Variants in SQLE observed in about 807,000 individuals in gnomAD.
SQLE encodes squalene monooxygenase.
SQLE carries 29 observed loss-of-function variants against 60.7 expected under a neutral mutation model. The observed-to-expected ratio is 0.48, with a 90% confidence interval of 0.36 to 0.65. The LOEUF (loss-of-function observed/expected upper bound fraction) is 0.65, where lower values mean the gene tolerates loss of function less well. SQLE is among the 30% of genes least tolerant of loss of function. SQLE has a pLI of 0.00. For synonymous variants in SQLE, 237 were observed against 246.8 expected, an observed-to-expected ratio of 0.96 and a Z score of 0.37; for missense variants, 605 against 684.1, an observed-to-expected ratio of 0.88 and a Z score of 1.29.
intron 4 of SQLE, among the ~76,000 whole-genome samples, chr8:125,008,244 C>T (rs575344622): frequency 7.2e-5 from 11 of 152,210 alleles, no homozygotes; most frequent in African/African-American, 2.2e-4. Flanking sequence ...CATGCTTCAC[C>T]GCATCCGGCT....
Position 125,016,898 on chromosome 8 carries a change from T to C in SQLE, c.1205-1161T>C, listed in dbSNP as rs1465934601. On this transcript the variant is annotated intron_variant, in intron 7 of 10. Transcript: ENST00000265896. This position sits in a 1 kb window ranked among gnomAD's most constrained non-coding sequence, Gnocchi z 4.1. Reference sequence around the variant, plus strand: ...GAGGTACCGCCTTGGTGGTCTTGGGTAATATCTGGGAGAATTCCCTGGATT... The same window carrying C: ...GAGGTACCGCCTTGGTGGTCTTGGGCAATATCTGGGAGAATTCCCTGGATT... Among the ~76,000 whole-genome samples, 1 of 152,180 alleles carries C rather than the reference T, an allele frequency of 6.6e-6. No homozygotes were observed. The highest frequency in any genetic ancestry group is 1.5e-5 in the Non-Finnish European group (1 of 68,028).
chr8:125,006,323 T>C (rs1337922253), intron 3 of SQLE, among the ~76,000 whole-genome samples: 2 of 152,098 alleles, frequency 1.3e-5, no homozygotes, highest in East Asian at 1.9e-4. Flanking sequence ...GTTCACTGTA[T>C]GAAAATGGAA....
intron 5 of SQLE, 43 bp downstream of exon 5, chr8:125,009,127 T>G: frequency 6.4e-7 from 1 of 1,568,232 alleles, no homozygotes; most frequent in East Asian, 2.3e-5. Flanking sequence ...AAAAGAAACT[T>G]GAAATTTGAA....
In SQLE at chr8:125,003,158, C is replaced by G. The variant is rs200947300; in HGVS notation, c.292-18C>G. The stretch of plus-strand genomic sequence containing the variant: ...TAACAAATTTGGATACCTAGTTTAC[C>G]TTTTTTTTTTTAAACAGCGCAGAAA... On this transcript the variant is annotated intron_variant, in intron 1 of 10. Transcript: ENST00000265896. 5.4e-3 allele frequency: 7,220 copies of G among 1,343,764 alleles called. 17 individuals are homozygous for G. Among genetic ancestry groups the G allele is most frequent in the Non-Finnish European group, 5.8e-3 (5,680 of 983,368 alleles). The allele number at this position is 1,343,764 out of a possible 1,614,324, so 83.2% of individuals were successfully genotyped here.
rs367853926 is a variant in SQLE, at chr8:124,999,479, A to G, written c.76A>G (p.Arg26Gly). 2.5e-6 allele frequency: 4 copies of G among 1,578,126 alleles called. No individual in the cohort carries two copies. Among genetic ancestry groups the G allele is most frequent in the East Asian group, 4.6e-5 (2 of 43,888 alleles). The change falls in exon 1 of 11, where the codon AGG becomes GGG. Residue 26 changes from arginine (R) to glycine (G), a missense_variant. Physicochemically the swap from Arg to Gly is moderately radical, Grantham distance 125. Coordinates refer to ENST00000265896, the MANE Select transcript of SQLE (RefSeq NM_003129.4). ...KFGDFITLANREVLLCVLVFL... is the reference protein window; with the variant it reads ...KFGDFITLANGEVLLCVLVFL... ...CGGGGACTTCATCACTTTGGCCAACAGGGAGGTCCTGTTGTGCGTGCTGGT... is the reference window on the plus strand; with the variant it reads ...CGGGGACTTCATCACTTTGGCCAACGGGGAGGTCCTGTTGTGCGTGCTGGT...
In SQLE at chr8:125,011,541, C is replaced by T. The variant is rs763127676; in HGVS notation, c.1113C>T (p.His371=). Residue 371 remains histidine (H), a synonymous_variant, in exon 7 of 11, where the codon CAC becomes CAT. Coordinates refer to ENST00000265896, the MANE Select transcript of SQLE (RefSeq NM_003129.4). ...VEKIYPQIPD[H]LKEPFLEATD... ...GGTTGGTGGGATTTATTGCAGATCA[C>T]CTGAAAGAACCATTCTTAGAAGCCA... 3.6e-5 allele frequency: 56 copies of T among 1,576,632 alleles called. No individual in the cohort carries two copies. Among genetic ancestry groups the T allele is most frequent in the Admixed American group, 9.2e-5 (5 of 54,430 alleles).
At chr8:125,015,781 AG>A (rs1396364315) in intron 7 of SQLE, among the ~76,000 whole-genome samples, 1 of 152,156 alleles carries the variant, frequency 6.6e-6, no homozygotes, top group Non-Finnish European at 1.5e-5. Context: ...CTTGTGGGAA[AG>A]TTTGGTGTTG....
At chr8:125,014,106 CAAT>C (rs34869443) in intron 7 of SQLE, among the ~76,000 whole-genome samples, 28,349 of 151,608 alleles carry the variant, frequency 0.19, 3,112 homozygotes, top group Middle Eastern at 0.35. Context: ...ATTATTCTGT[CAAT>C]GATGATAAAA....
At chr8:125,011,915 GATAA>G (rs1485319257) in intron 7 of SQLE, among the ~76,000 whole-genome samples, 1 of 141,734 alleles carries the variant, frequency 7.1e-6, no homozygotes, top group Non-Finnish European at 1.5e-5. Flanking sequence ...CAACACTGTT[GATAA>G]ATAAAACCCA....
At chr8:124,999,808 C>A in intron 1 of SQLE, 114 bp downstream of exon 1, 2 of 1,248,140 alleles carry the variant, frequency 1.6e-6, no homozygotes. Context: ...TGCTTGTATA[C>A]ATTCTCATGT....
In SQLE at chr8:125,021,983, C is replaced by A; in HGVS notation, c.*38C>A. 6.7e-7 allele frequency: 1 copy of A among 1,494,206 alleles called. No individual in the cohort carries two copies. Among genetic ancestry groups the A allele is most frequent in the Non-Finnish European group, 9.1e-7 (1 of 1,100,122 alleles). The allele number at this position is 1,494,206 out of a possible 1,614,324, so 92.6% of individuals were successfully genotyped here. ...ACCATTTGTGAATGAATATTTGGAA[C>A]TTACCAAGTCCTAAGAGACTTTTGG... is the stretch of plus-strand genomic sequence containing the variant. On this transcript the variant is annotated 3_prime_UTR_variant, in exon 11 of 11. Transcript: ENST00000265896.
Position 124,998,708 on chromosome 8 carries a change from C to T in SQLE, c.-696C>T, listed in dbSNP as rs1588110111. On this transcript the variant is annotated 5_prime_UTR_variant, in exon 1 of 11. Transcript: ENST00000265896. ...CAGTCGCGGTGGGCGGCTCTGGGGG[C>T]CAGCGAAACGGGAGGCCTCTAAATC... is the stretch of plus-strand genomic sequence containing the variant. 5.0e-6 allele frequency: 3 copies of T among 604,740 alleles called. No individual in the cohort carries two copies. In the East Asian group the frequency reaches 9.8e-5, roughly 20 times the overall value. The allele number at this position is 604,740 out of a possible 1,614,324, so 37.5% of individuals were successfully genotyped here.
In SQLE at chr8:124,998,806, G is replaced by C; in HGVS notation, c.-598G>C. ...GCCATCTTTTGTTGGAGAAGGCGTC[G>C]GCGTTGGCGTTTTCCCGAGGTTGGG... On this transcript the variant is annotated 5_prime_UTR_variant, in exon 1 of 11. Coordinates refer to ENST00000265896, the MANE Select transcript of SQLE (RefSeq NM_003129.4). 1 of 495,736 alleles carries C rather than the reference G, an allele frequency of 2.0e-6. No individual in the cohort carries two copies. The highest frequency in any genetic ancestry group is 3.6e-6 in the Non-Finnish European group (1 of 278,518). The allele number at this position is 495,736 out of a possible 1,614,324, so 30.7% of individuals were successfully genotyped here. A position where few individuals can be genotyped will look rare whatever the true frequency, so the allele number is the denominator to read the frequency against.
chr8:125,017,454 C>T (rs1815127317), intron 7 of SQLE, among the ~76,000 whole-genome samples: 1 of 152,068 alleles, frequency 6.6e-6, no homozygotes, highest in African/African-American at 2.4e-5. Flanking sequence ...ACTCAAGGCT[C>T]CAGGGCTCTT....
intron 10 of SQLE, 122 bp from the exon 11 acceptor site, chr8:125,021,631 T>C (rs1402740948): frequency 5.7e-6 from 4 of 697,128 alleles, no homozygotes; most frequent in Non-Finnish European, 9.2e-6. Context: ...CATACAGAAT[T>C]ATGATGCTTG....
chr8:125,008,474 A>C (rs1198254889), intron 4 of SQLE, among the ~76,000 whole-genome samples: 1 of 152,144 alleles, frequency 6.6e-6, no homozygotes. Flanking sequence ...ACCTCTTAGA[A>C]ATTGTCCTCT....
At chr8:125,002,143 G>A (rs1211655821) in intron 1 of SQLE, among the ~76,000 whole-genome samples, 1 of 151,954 alleles carries the variant, frequency 6.6e-6, no homozygotes, top group African/African-American at 2.4e-5. Context: ...GTATCAGGAT[G>A]GGGAAAAAGG....
Position 125,022,028 on chromosome 8 carries a change from A to C in SQLE, c.*83A>C. On this transcript the variant is annotated 3_prime_UTR_variant, in exon 11 of 11. Transcript: ENST00000265896. ...TTTTGGAAGAGGATATATATAGCATAGTACCATACCACTTATAAAGTGGAA... is the reference window on the plus strand; with the variant it reads ...TTTTGGAAGAGGATATATATAGCATCGTACCATACCACTTATAAAGTGGAA... The C allele has an allele frequency of 2.1e-6, 2 of 944,990 alleles. No homozygotes were observed. The highest frequency in any genetic ancestry group is 2.9e-6 in the Non-Finnish European group (2 of 698,458). 58.5% of individuals were successfully genotyped at this position (944,990 alleles called of 1,614,324 possible). A position where few individuals can be genotyped will look rare whatever the true frequency, so the allele number is the denominator to read the frequency against.
At chr8:125,001,488 G>GTA (rs1554587050) in intron 1 of SQLE, among the ~76,000 whole-genome samples, 180 of 113,816 alleles carry the variant, frequency 1.6e-3, no homozygotes, top group Admixed American at 2.6e-3. Flanking sequence ...GTGTGTGTGT[G>GTA]TATATAAAAC....
Sources: allele counts gnomAD v4.1 joint callset (sites outside exome capture counted in the v4.1 genomes callset), GRCh38; gene constraint gnomAD v4.1.1; non-coding constraint Gnocchi (gnomAD v3.1); transcripts MANE v1.5; gene names NCBI Gene and HGNC (gene_info 2026-07-23, HGNC 2026-07-21).